KIAA0825: variants seen among roughly 807,000 people sequenced by gnomAD.
KIAA0825 encodes the protein uncharacterized protein KIAA0825.
In KIAA0825, 119 loss-of-function variants were observed where a neutral mutation model predicts 147.6. The ratio of observed to expected loss-of-function variants is 0.81; its 90% confidence interval spans 0.69 to 0.94. KIAA0825 has a LOEUF of 0.94. Ranked by LOEUF, KIAA0825 falls within the 40% of genes least tolerant of loss-of-function variation. KIAA0825 has a pLI of 0.00. For synonymous variants in KIAA0825, 470 were observed against 518.1 expected, an observed-to-expected ratio of 0.91 and a Z score of 1.26; for missense variants, 1,381 against 1,472.7, an observed-to-expected ratio of 0.94 and a Z score of 1.02.
intron 20 of KIAA0825, among the ~76,000 whole-genome samples, chr5:94,308,209 A>G (rs1308918340): frequency 6.6e-6 from 1 of 151,810 alleles, no homozygotes. Flanking sequence ...TAAGGGCAAA[A>G]TACTCTGACC....
intron 5 of KIAA0825, among the ~76,000 whole-genome samples, chr5:94,494,314 C>CTTTTTTTTT (rs530332272): frequency 2.7e-5 from 3 of 111,872 alleles, no homozygotes; most frequent in African/African-American, 3.9e-5. Context: ...ATATTCAATC[C>CTTTTTTTTT]TTTTTTTTTT....
intron 20 of KIAA0825, among the ~76,000 whole-genome samples, chr5:94,304,003 C>G (rs1008862678): frequency 6.6e-6 from 1 of 152,106 alleles, no homozygotes; most frequent in African/African-American, 2.4e-5. Context: ...TTAGATCATG[C>G]CCAGAAGACA....
chr5:94,391,653 CCTT>C lies in KIAA0825; in HGVS notation c.3335_3337del (p.Glu1112del). ...CTCAGTCAGTTCAAGAGCAACATCTCCTTCTTGTAAGGCCGTGCTTTTCTCTAT... is the reference window on the plus strand; with the variant it reads ...CTCAGTCAGTTCAAGAGCAACATCTCCTTGTAAGGCCGTGCTTTTCTCTAT... On this transcript the variant is annotated inframe_deletion, in exon 18 of 21. Transcript: ENST00000682413. 1.9e-6 allele frequency: 3 copies of C among 1,550,878 alleles called. No homozygotes were observed. Among genetic ancestry groups the C allele is most frequent in the East Asian group, 4.9e-5 (2 of 40,892 alleles).
intron 5 of KIAA0825, 182 bp downstream of exon 5, chr5:94,520,066 T>C: frequency 8.8e-7 from 1 of 1,134,278 alleles, no homozygotes; most frequent in African/African-American, 1.6e-5. Flanking sequence ...AGAAAGAAAA[T>C]ACTTTTATAA....
intron 14 of KIAA0825, among the ~76,000 whole-genome samples, chr5:94,421,455 G>C (rs564012432): frequency 1.3e-5 from 2 of 152,248 alleles, no homozygotes; most frequent in Admixed American, 6.5e-5. Context: ...GCTCATTGCT[G>C]TGTTCCCTAG....
chr5:94,478,867 A>C (rs1032303474), intron 6 of KIAA0825, among the ~76,000 whole-genome samples: 1 of 152,174 alleles, frequency 6.6e-6, no homozygotes, highest in Non-Finnish European at 1.5e-5. Context: ...AAATACCATC[A>C]ACTGTCAAAG....
intron 14 of KIAA0825, among the ~76,000 whole-genome samples, chr5:94,426,567 G>T (rs1754916061): frequency 6.6e-6 from 1 of 152,198 alleles, no homozygotes; most frequent in Non-Finnish European, 1.5e-5. Context: ...GTGCGGGTCA[G>T]AGGCTACTGA....
At chr5:94,359,543 G>A (rs1193565846) in intron 20 of KIAA0825, among the ~76,000 whole-genome samples, 1 of 152,068 alleles carries the variant, frequency 6.6e-6, no homozygotes, top group Non-Finnish European at 1.5e-5. Context: ...GATTGCTTCA[G>A]GTCAGGAGTT....
At chr5:94,521,364 C>T (rs1768161911) in intron 4 of KIAA0825, among the ~76,000 whole-genome samples, 1 of 151,594 alleles carries the variant, frequency 6.6e-6, no homozygotes, top group Non-Finnish European at 1.5e-5. Context: ...TTATAAAACC[C>T]CAAATGAACA....
chr5:94,355,585 TGTAA>T (rs1325700211), intron 20 of KIAA0825, among the ~76,000 whole-genome samples: 3 of 152,230 alleles, frequency 2.0e-5, no homozygotes, highest in African/African-American at 7.2e-5. Flanking sequence ...AAATATGATT[TGTAA>T]GTTTTTTTAT....
chr5:94,367,422 T>G (rs921221396), intron 20 of KIAA0825, among the ~76,000 whole-genome samples: 43 of 151,978 alleles, frequency 2.8e-4, no homozygotes, highest in African/African-American at 1.0e-3. Flanking sequence ...CACTTGAACC[T>G]GGGAGGCGGA....
intron 20 of KIAA0825, among the ~76,000 whole-genome samples, chr5:94,171,093 C>G (rs1270194032): frequency 6.6e-6 from 1 of 152,114 alleles, no homozygotes; most frequent in Non-Finnish European, 1.5e-5. Flanking sequence ...TGCTGTGTCC[C>G]CACCCAAATC....
At chr5:94,395,678 G>C (rs574896916) in intron 17 of KIAA0825, among the ~76,000 whole-genome samples, 1 of 152,080 alleles carries the variant, frequency 6.6e-6, no homozygotes, top group South Asian at 2.1e-4. Flanking sequence ...TTGACAATCA[G>C]GTACACAGAA....
intron 14 of KIAA0825, among the ~76,000 whole-genome samples, chr5:94,428,747 T>C (rs535193491): frequency 6.6e-6 from 1 of 152,286 alleles, no homozygotes; most frequent in African/African-American, 2.4e-5. Flanking sequence ...TCATTTTGAA[T>C]AGTATTTTGC....
intron 20 of KIAA0825, among the ~76,000 whole-genome samples, chr5:94,318,755 T>C (rs1322761633): frequency 1.3e-5 from 2 of 151,906 alleles, no homozygotes; most frequent in African/African-American, 2.4e-5. Context: ...TTAGCCAACA[T>C]AACGTTACAT....
chr5:94,617,036 T>C (rs533666725), intron 1 of KIAA0825, among the ~76,000 whole-genome samples: 3 of 152,366 alleles, frequency 2.0e-5, no homozygotes, highest in South Asian at 4.1e-4. Context: ...GGTCTCAGTA[T>C]AAAATGTTTT....
At chr5:94,160,354 T>C (rs1478848361) in intron 20 of KIAA0825, among the ~76,000 whole-genome samples, 1 of 151,120 alleles carries the variant, frequency 6.6e-6, no homozygotes, top group Non-Finnish European at 1.5e-5. Flanking sequence ...TATATCAATA[T>C]TAAATATATA....
chr5:94,223,098 C>T (rs930955876), intron 20 of KIAA0825, among the ~76,000 whole-genome samples: 10 of 152,158 alleles, frequency 6.6e-5, no homozygotes, highest in African/African-American at 2.4e-4. Flanking sequence ...CTCCACATTG[C>T]CTCCCCAACT....
At chr5:94,294,543 T>C (rs1372529226) in intron 20 of KIAA0825, among the ~76,000 whole-genome samples, 1 of 152,140 alleles carries the variant, frequency 6.6e-6, no homozygotes, top group South Asian at 2.1e-4. Context: ...CTGACCAACA[T>C]GGTGAAACCC....
Sources: allele counts gnomAD v4.1 joint callset (sites outside exome capture counted in the v4.1 genomes callset), GRCh38; gene constraint gnomAD v4.1.1; transcripts MANE v1.5; gene names NCBI Gene and HGNC (gene_info 2026-07-23, HGNC 2026-07-21).